Variants in GSDMC observed in about 807,000 individuals in gnomAD.
GSDMC encodes gasdermin-C.
GSDMC carries 59 observed loss-of-function variants against 58.0 expected under a neutral mutation model. The ratio of observed to expected loss-of-function variants is 1.02; its 90% confidence interval spans 0.82 to 1.26. GSDMC has a LOEUF of 1.26. GSDMC is among the 50% of genes most tolerant of loss of function. GSDMC has a pLI of 0.00. For missense variants in GSDMC, 659 were observed against 598.5 expected (o/e 1.10, Z -1.06); for synonymous variants, 241 against 220.2 (o/e 1.09, Z -0.83).
At chr8:129,713,406 T>TG in the GSDMC span, among the ~76,000 whole-genome samples, 94,801 of 151,946 alleles carry the variant, frequency 0.62, 32,151 homozygotes, top group African/African-American at 0.89. Flanking sequence ...GTGGCCTCAG[T>TG]GAAAGGGAGG....
At chr8:129,752,529 C>T (rs895624767) in intron 7 of GSDMC, among the ~76,000 whole-genome samples, 169 bp downstream of exon 7, 1 of 152,178 alleles carries the variant, frequency 6.6e-6, no homozygotes, top group African/African-American at 2.4e-5. Flanking sequence ...CAGGGATCAG[C>T]AGTGCCTAAG....
the GSDMC span, among the ~76,000 whole-genome samples, chr8:129,727,033 C>T: frequency 3.6e-5 from 5 of 139,676 alleles, no homozygotes; most frequent in African/African-American, 1.4e-4. Flanking sequence ...CACCTATTCA[C>T]ATACTCATTT....
the GSDMC span, among the ~76,000 whole-genome samples, chr8:129,740,281 T>C: frequency 6.6e-6 from 1 of 152,140 alleles, no homozygotes; most frequent in Non-Finnish European, 1.5e-5. Flanking sequence ...AGCCTAAGTG[T>C]ATAGTATTTA....
Position 129,773,510 on chromosome 8 carries a change from C to T in GSDMC, c.404+2592G>A, listed in dbSNP as rs529351138. ...TTTAAAACTCAATGTATAGGCCGGGCATGGTGGCTCTCACCTGTAATTCCA... is the reference window on the plus strand; with the variant it reads ...TTTAAAACTCAATGTATAGGCCGGGTATGGTGGCTCTCACCTGTAATTCCA... On this transcript the variant is annotated intron_variant, in intron 3 of 13. Coordinates refer to ENST00000276708, the MANE Select transcript of GSDMC (RefSeq NM_031415.3). Among the ~76,000 whole-genome samples, 32 of 152,260 alleles carry T rather than the reference C, an allele frequency of 2.1e-4. 1 individual carries two copies. The South Asian group carries it at 6.2e-3, about 30-fold the overall frequency.
chr8:129,726,370 T>G, the GSDMC span, among the ~76,000 whole-genome samples: 1 of 151,988 alleles, frequency 6.6e-6, no homozygotes, highest in Non-Finnish European at 1.5e-5. Flanking sequence ...GAGAAAGACA[T>G]GGAAGAGGGG....
At chr8:129,749,646 C>G in intron 12 of GSDMC, 121 bp from the exon 13 acceptor site, 1 of 763,776 alleles carries the variant, frequency 1.3e-6, no homozygotes, top group South Asian at 1.6e-5. Context: ...ACCCATTAGA[C>G]TTGAAGGTCA....
chr8:129,761,015 A>C (rs1241115719), intron 5 of GSDMC, among the ~76,000 whole-genome samples: 3 of 152,172 alleles, frequency 2.0e-5, no homozygotes, highest in African/African-American at 7.2e-5. Context: ...GAGCCTATGA[A>C]GAAGACAAAA....
intron 3 of GSDMC, among the ~76,000 whole-genome samples, chr8:129,771,201 A>C (rs1218057736): frequency 1.3e-5 from 2 of 152,036 alleles, no homozygotes; most frequent in African/African-American, 4.8e-5. Flanking sequence ...AGGAGAAATA[A>C]ACAGCAATAC....
At chr8:129,772,260 CAAAAAAA>C (rs1161238758) in intron 3 of GSDMC, among the ~76,000 whole-genome samples, 6 of 94,292 alleles carry the variant, frequency 6.4e-5, no homozygotes, top group African/African-American at 2.0e-4. Context: ...GACTCCGTCT[CAAAAAAA>C]AAAAAAAAAA....
intron 6 of GSDMC, among the ~76,000 whole-genome samples, chr8:129,756,712 T>C (rs2033453919): frequency 6.6e-6 from 1 of 152,140 alleles, no homozygotes; most frequent in Non-Finnish European, 1.5e-5. Flanking sequence ...CCATCTTCTC[T>C]GACCACAATG....
chr8:129,745,922 C>A (rs1048354997), downstream of GSDMC, among the ~76,000 whole-genome samples: 2 of 134,140 alleles, frequency 1.5e-5, no homozygotes, highest in Non-Finnish European at 3.1e-5. Context: ...ACCTTAAGCA[C>A]TGGAAAACAC....
chr8:129,753,838 G>C (rs993174274), intron 6 of GSDMC, among the ~76,000 whole-genome samples: 1 of 152,172 alleles, frequency 6.6e-6, no homozygotes, highest in Non-Finnish European at 1.5e-5. Context: ...TGGGCTGTCA[G>C]CAAACATATG....
chr8:129,768,700 G>C (rs570602939), intron 3 of GSDMC, among the ~76,000 whole-genome samples: 3 of 151,758 alleles, frequency 2.0e-5, no homozygotes, highest in South Asian at 4.2e-4. Flanking sequence ...AGAGATATAT[G>C]GCACTTATGG....
intron 4 of GSDMC, 149 bp downstream of exon 4, chr8:129,765,479 T>C (rs1300060535): frequency 1.5e-5 from 10 of 682,418 alleles, no homozygotes. Flanking sequence ...GAAGTCAGGA[T>C]ACATCAACAT....
At chr8:129,780,905 T>C (rs546591838) in intron 1 of GSDMC, among the ~76,000 whole-genome samples, 1 of 149,906 alleles carries the variant, frequency 6.7e-6, no homozygotes, top group Non-Finnish European at 1.5e-5. Flanking sequence ...AAAGTTAGAA[T>C]GTAGAGTTTT....
At chr8:129,705,508 C>T in the GSDMC span, 1 of 152,818 alleles carries the variant, frequency 6.5e-6, no homozygotes, top group African/African-American at 2.4e-5. Context: ...AACTTACAAT[C>T]ATGCCAGAAG....
chr8:129,736,184 A>G, the GSDMC span, among the ~76,000 whole-genome samples: 1 of 152,228 alleles, frequency 6.6e-6, no homozygotes, highest in Admixed American at 6.5e-5. Flanking sequence ...CCAGGACCAG[A>G]TGGATTCACA....
At chr8:129,780,397 G>T (rs1458551392) in intron 1 of GSDMC, among the ~76,000 whole-genome samples, 2 of 151,616 alleles carry the variant, frequency 1.3e-5, no homozygotes, top group African/African-American at 4.9e-5. Context: ...AGTGGCAAAA[G>T]AAAAGAAAAA....
rs1188992495 is a variant in GSDMC, at chr8:129,786,126, A to T, written c.-120T>A. ...GAGGCCGGTGGATCACGAGGTCAGG[A>T]GTTCAAGATCAGCCAGGCCAAGATG... On this transcript the variant is annotated 5_prime_UTR_variant, in exon 1 of 14. Transcript: ENST00000276708. 6.6e-6 allele frequency: 1 copy of T among 152,118 alleles called. No individual in the cohort carries two copies. Among genetic ancestry groups the T allele is most frequent in the African/African-American group, 2.4e-5 (1 of 41,388 alleles). The allele number at this position is 152,118 out of a possible 1,614,324, so 9.4% of individuals were successfully genotyped here. A position where few individuals can be genotyped will look rare whatever the true frequency, so the allele number is the denominator to read the frequency against.
Sources: gnomAD v4.1 joint callset for allele counts (sites outside exome capture counted in the v4.1 genomes callset) on GRCh38, gnomAD v4.1.1 for gene constraint, MANE v1.5 for transcripts, NCBI Gene and HGNC (gene_info 2026-07-23, HGNC 2026-07-21) for gene names.